Variants in TPTE2 observed in about 807,000 individuals in gnomAD.
TPTE2 encodes the protein transmembrane phosphoinositide 3-phosphatase and tensin homolog 2.
Under a neutral mutation model 78.6 loss-of-function variants are expected in TPTE2, and 53 were observed. That is an observed-to-expected ratio of 0.67 (90% CI 0.54 to 0.85). The LOEUF (loss-of-function observed/expected upper bound fraction) is 0.85, where lower values mean the gene tolerates loss of function less well. Ranked by LOEUF, TPTE2 falls within the 40% of genes least tolerant of loss-of-function variation. TPTE2 has a pLI of 0.00. For synonymous variants in TPTE2, 175 were observed against 206.2 expected (o/e 0.85, Z 1.30); for missense variants, 461 against 623.0 (o/e 0.74, Z 2.77).
At chr13:19,505,146 A>G (rs2932156), upstream of TPTE2, among the ~76,000 whole-genome samples, 149,614 of 152,160 alleles carry the variant, frequency 0.98, 73,607 homozygotes, top group Middle Eastern at 1. Context: ...TTCAAACTAG[A>G]TGTATCCTTT....
chr13:19,455,801 T>C (rs1878506960), intron 10 of TPTE2, among the ~76,000 whole-genome samples: 1 of 152,252 alleles, frequency 6.6e-6, no homozygotes, highest in African/African-American at 2.4e-5. Context: ...ATTTTTATTA[T>C]CTTGATAGAT....
At chr13:19,436,387 C>A (rs780479186) in intron 14 of TPTE2, 81 bp from the exon 18 acceptor site, 7 of 1,270,464 alleles carry the variant, frequency 5.5e-6, no homozygotes, top group South Asian at 5.3e-5. Flanking sequence ...TGTTTCTATG[C>A]CCACCTTCTT....
upstream of TPTE2, among the ~76,000 whole-genome samples, chr13:19,507,321 A>AC (rs915211683): frequency 4.0e-5 from 6 of 151,766 alleles, no homozygotes; most frequent in Non-Finnish European, 7.4e-5. Flanking sequence ...AAAAAAAAAA[A>AC]AAAACACATG....
At chr13:19,478,806 T>A (rs992796885) in intron 4 of TPTE2, among the ~76,000 whole-genome samples, 1 of 152,162 alleles carries the variant, frequency 6.6e-6, no homozygotes, top group African/African-American at 2.4e-5. Flanking sequence ...GTGGCACATA[T>A]ACACCATGGA....
At chr13:19,532,380 G>A (rs899410908) in intron 1 of TPTE2, among the ~76,000 whole-genome samples, 6 of 152,100 alleles carry the variant, frequency 3.9e-5, no homozygotes, top group Admixed American at 3.9e-4. Context: ...GAAAGAGGGA[G>A]TTCATCCCTC....
chr13:19,452,619 A>AT, intron 10 of TPTE2, among the ~76,000 whole-genome samples: 1 of 152,202 alleles, frequency 6.6e-6, no homozygotes, highest in Non-Finnish European at 1.5e-5. Context: ...ATGAAATGCC[A>AT]TTTGCACCCA....
At chr13:19,500,322 C>T (rs1868415355) in intron 1 of TPTE2, among the ~76,000 whole-genome samples, 1 of 151,108 alleles carries the variant, frequency 6.6e-6, no homozygotes, top group African/African-American at 2.4e-5. Flanking sequence ...CATTCTGATA[C>T]CAAAGCCAGG....
chr13:19,548,253 T>C, the TPTE2 span, among the ~76,000 whole-genome samples: 6 of 152,172 alleles, frequency 3.9e-5, no homozygotes, highest in African/African-American at 1.4e-4. Flanking sequence ...CTTCTATGTA[T>C]TATCAAAACT....
intron 6 of TPTE2, among the ~76,000 whole-genome samples, chr13:19,473,470 A>C (rs1466104498): frequency 6.6e-6 from 1 of 152,158 alleles, no homozygotes; most frequent in Non-Finnish European, 1.5e-5. Context: ...GCAGAGGAGC[A>C]TCAATCCATG....
At chr13:19,429,775 G>C (rs979046645) in intron 17 of TPTE2, among the ~76,000 whole-genome samples, 1 of 152,098 alleles carries the variant, frequency 6.6e-6, no homozygotes, top group African/African-American at 2.4e-5. Flanking sequence ...TAAAATTTAG[G>C]GTTATTAGAC....
chr13:19,473,663 T>C (rs1436233167), intron 6 of TPTE2, among the ~76,000 whole-genome samples: 1 of 150,644 alleles, frequency 6.6e-6, no homozygotes, highest in African/African-American at 2.5e-5. Context: ...TGGCGTGATC[T>C]CAGCTCAACG....
At chr13:19,551,535 G>A in the TPTE2 span, among the ~76,000 whole-genome samples, 10 of 152,046 alleles carry the variant, frequency 6.6e-5, no homozygotes, top group Admixed American at 1.3e-4. Context: ...GCAGTGAGCC[G>A]AGATCATGCC....
chr13:19,553,304 T>A, the TPTE2 span, among the ~76,000 whole-genome samples: 1 of 152,228 alleles, frequency 6.6e-6, no homozygotes, highest in Non-Finnish European at 1.5e-5. Context: ...CAGATCATCT[T>A]TTGAGAATGA....
At chr13:19,560,986 G>A in the TPTE2 span, 23 of 1,582,840 alleles carry the variant, frequency 1.5e-5, no homozygotes, top group East Asian at 3.6e-4. Context: ...ATGACACACC[G>A]CAGTGGTAGC....
chr13:19,481,844 C>T (rs1880377183), intron 4 of TPTE2, among the ~76,000 whole-genome samples: 2 of 152,050 alleles, frequency 1.3e-5, no homozygotes, highest in Admixed American at 1.3e-4. Context: ...ACTTCCTCTC[C>T]AGCATTGACA....
chr13:19,432,508 A>C, exon 16 of TPTE2: 1 of 1,607,110 alleles, frequency 6.2e-7, no homozygotes, highest in Non-Finnish European at 8.5e-7. Flanking sequence ...TTTTATAAAG[A>C]GTATCCGTCT....
intron 1 of TPTE2, among the ~76,000 whole-genome samples, chr13:19,494,504 G>T (rs1881194063): frequency 6.6e-6 from 1 of 152,068 alleles, no homozygotes; most frequent in South Asian, 2.1e-4. Flanking sequence ...ACTTCCCAAG[G>T]TTCAATCGAT....
chr13:19,546,077 T>C, the TPTE2 span, among the ~76,000 whole-genome samples: 1 of 152,066 alleles, frequency 6.6e-6, no homozygotes, highest in Non-Finnish European at 1.5e-5. Flanking sequence ...ACCTGTAGTC[T>C]TAGTACCTGG....
At chr13:19,539,616 G>A (rs182363860), upstream of TPTE2, among the ~76,000 whole-genome samples, 7 of 152,236 alleles carry the variant, frequency 4.6e-5, no homozygotes, top group Admixed American at 1.3e-4. Flanking sequence ...TTTATCACGT[G>A]TCAAATTTCC....
Sources: gnomAD v4.1 joint callset for allele counts (sites outside exome capture counted in the v4.1 genomes callset) on GRCh38, gnomAD v4.1.1 for gene constraint, MANE v1.5 for transcripts, NCBI Gene and HGNC (gene_info 2026-07-23, HGNC 2026-07-21) for gene names.